LRP6: variants seen among roughly 807,000 people sequenced by gnomAD.
The protein encoded by LRP6 is low-density lipoprotein receptor-related protein 6.
Under a neutral mutation model 184.1 loss-of-function variants are expected in LRP6, and 43 were observed. The ratio of observed to expected loss-of-function variants is 0.23; its 90% confidence interval spans 0.18 to 0.30. LRP6 has a LOEUF of 0.30. Ranked by LOEUF, LRP6 falls within the 10% of genes least tolerant of loss-of-function variation. The pLI is 1.00. For synonymous variants in LRP6, 719 were observed against 684.9 expected (o/e 1.05, Z -0.78); for missense variants, 1,571 against 2,005.3 (o/e 0.78, Z 4.14).
intron 2 of LRP6, among the ~76,000 whole-genome samples, chr12:12,229,973 T>C (rs1296912079): frequency 6.6e-6 from 1 of 152,218 alleles, no homozygotes; most frequent in African/African-American, 2.4e-5. Flanking sequence ...ACATCTGCTA[T>C]TCATCCAAAA....
At chr12:12,216,526 G>A (rs1460021434) in intron 2 of LRP6, among the ~76,000 whole-genome samples, 3 of 152,044 alleles carry the variant, frequency 2.0e-5, no homozygotes, top group Non-Finnish European at 4.4e-5. Flanking sequence ...GGAGTGAGGA[G>A]GTGGGGGCCT....
chr12:12,240,977 C>A (rs1468878), intron 2 of LRP6, among the ~76,000 whole-genome samples: 4 of 152,042 alleles, frequency 2.6e-5, no homozygotes, highest in Non-Finnish European at 5.9e-5. Flanking sequence ...TAGTCATTAT[C>A]ATAAGGAAAA....
In LRP6 at chr12:12,133,850, G is replaced by C. The variant is rs1297323624; in HGVS notation, c.3733+1325C>G. 2.0e-5 allele frequency among the ~76,000 whole-genome samples: 2 copies of C among 99,952 alleles called. 1 individual carries two copies. The highest frequency in any genetic ancestry group is 6.9e-5 in the African/African-American group (2 of 28,852). 65.6% of individuals were successfully genotyped at this position (99,952 alleles called of 152,430 possible). ...GGGAAACACATGCTATTTTTTGGGG[G>C]GGGGGGGGGGGGAGGGTAAAGTAAC... On this transcript the variant is annotated intron_variant, in intron 17 of 22. Transcript: ENST00000261349.
At position 12,171,338 on chromosome 12, in the gene LRP6, A is replaced by T. The variant is rs1232011885; in HGVS notation, c.1546-6043T>A. On this transcript the variant is annotated intron_variant, in intron 7 of 22. Coordinates refer to ENST00000261349, the MANE Select transcript of LRP6 (RefSeq NM_002336.3). The stretch of plus-strand genomic sequence containing the variant: ...AAGACCATCCTGGCTAACATGGTGA[A>T]ACTCCATCTCTACTAAAAACACACA... Among the ~76,000 whole-genome samples the T allele has an allele frequency of 3.3e-5, 5 of 152,158 alleles. No individual in the cohort carries two copies. The East Asian group carries it at 9.6e-4, about 29-fold the overall frequency.
chr12:12,239,257 T>A (rs73057413), intron 2 of LRP6, among the ~76,000 whole-genome samples: 4,469 of 152,296 alleles, frequency 0.029, 92 homozygotes, highest in Non-Finnish European at 0.041. Flanking sequence ...TCTAAAGCTT[T>A]AGATTTTAAA....
chr12:12,179,756 CG>C, intron 7 of LRP6, 53 bp downstream of exon 7: 1 of 1,567,842 alleles, frequency 6.4e-7, no homozygotes, highest in Non-Finnish European at 8.8e-7. Context: ...ATTATACTGT[CG>C]ACTCAAAACC....
intron 2 of LRP6, among the ~76,000 whole-genome samples, chr12:12,212,331 T>C (rs1864232346): frequency 6.6e-6 from 1 of 152,232 alleles, no homozygotes; most frequent in Admixed American, 6.5e-5. Context: ...TAAAATTTTA[T>C]TTTAATGATT....
rs374527710 is a variant in LRP6 at position 12,172,595 on chromosome 12, C to T, written c.1545+7215G>A. ...AAACTCAAATTATGCCCAAAATGAACCACTCCTCTTCTAATGTTCCAGACA... is the reference window on the plus strand; with the variant it reads ...AAACTCAAATTATGCCCAAAATGAATCACTCCTCTTCTAATGTTCCAGACA... On this transcript the variant is annotated intron_variant, in intron 7 of 22. Transcript: ENST00000261349. Among the ~76,000 whole-genome samples, 241 of 152,270 alleles carry T rather than the reference C, an allele frequency of 1.6e-3. 1 individual carries two copies. The highest frequency in any genetic ancestry group is 3.0e-3 in the Non-Finnish European group (207 of 68,028).
At chr12:12,229,205 T>C (rs1864710280) in intron 2 of LRP6, among the ~76,000 whole-genome samples, 1 of 151,992 alleles carries the variant, frequency 6.6e-6, no homozygotes, top group Non-Finnish European at 1.5e-5. Context: ...TCCCCATCTC[T>C]ACTAAAAACA....
Position 12,138,353 on chromosome 12 carries a change from T to A in LRP6, c.3579A>T (p.Ala1193=), listed in dbSNP as rs774348156. The A allele has an allele frequency of 6.2e-7, 1 of 1,614,192 alleles. No individual in the cohort carries two copies. Among genetic ancestry groups the A allele is most frequent in the Non-Finnish European group, 8.5e-7 (1 of 1,180,012 alleles). ...ATTCTTGAAGGTTCAGCTCCTTTAC[T>A]GCATGAATGTCACTAAGCTGGGCAA... ...ARIAQLSDIH[A]VKELNLQEYR... Residue 1193 remains alanine (A), a synonymous_variant, in exon 16 of 23, where the codon GCA becomes GCT. Transcript: ENST00000261349.
chr12:12,147,466 A>T lies in LRP6; in HGVS notation c.3297T>A (p.Ser1099Arg). The change falls in exon 15 of 23, where the codon AGT (serine) becomes AGA (arginine). Residue 1099 changes from serine to arginine, a missense_variant. Ser to Arg is a moderately radical substitution (Grantham distance 110). This residue lies in a region of LRP6 where 763 missense variants were observed against 859.5 expected (regional missense o/e 0.89). Coordinates refer to ENST00000261349, the MANE Select transcript of LRP6 (RefSeq NM_002336.3). ...CTAAAGCAATTGGTTTACTTAAGCC[A>T]CTGAAAAAGAGGACCTCCCGTTCTG... ...DGTEREVLFF[S>R]GLSKPIALAL... 1 of 1,614,110 alleles carries T rather than the reference A, an allele frequency of 6.2e-7. No homozygotes were observed. The highest frequency in any genetic ancestry group is 1.1e-5 in the South Asian group (1 of 91,076).
At chr12:12,215,749 T>C (rs1019007041) in intron 2 of LRP6, among the ~76,000 whole-genome samples, 2 of 150,330 alleles carry the variant, frequency 1.3e-5, no homozygotes, top group East Asian at 4.1e-4. Flanking sequence ...TGGTGGCTCA[T>C]GCCTGTAATC....
At chr12:12,153,459 T>A (rs753978099) in intron 12 of LRP6, among the ~76,000 whole-genome samples, 1 of 152,210 alleles carries the variant, frequency 6.6e-6, no homozygotes, top group Non-Finnish European at 1.5e-5. Flanking sequence ...ATTTTAACCT[T>A]CAATAAGATT....
intron 3 of LRP6, among the ~76,000 whole-genome samples, chr12:12,195,245 T>C (rs775448519): frequency 6.6e-6 from 1 of 152,112 alleles, no homozygotes; most frequent in Non-Finnish European, 1.5e-5. Context: ...CATATGGTAG[T>C]TCTATTTGTA....
At chr12:12,232,831 A>G (rs1001492148) in intron 2 of LRP6, among the ~76,000 whole-genome samples, 1 of 152,232 alleles carries the variant, frequency 6.6e-6, no homozygotes, top group Non-Finnish European at 1.5e-5. Flanking sequence ...GCAAAATACA[A>G]AAGGATCATC....
At chr12:12,123,285 T>C (rs988330589) in intron 22 of LRP6, among the ~76,000 whole-genome samples, 2 of 152,238 alleles carry the variant, frequency 1.3e-5, no homozygotes, top group African/African-American at 4.8e-5. Context: ...TTTCTCAATT[T>C]TCAGGCTTCT....
At chr12:12,249,645 T>C (rs902361018) in intron 1 of LRP6, among the ~76,000 whole-genome samples, 4 of 150,742 alleles carry the variant, frequency 2.7e-5, no homozygotes, top group African/African-American at 7.4e-5. Context: ...TTTTGTCCAT[T>C]TGAAATATAT....
intron 6 of LRP6, 63 bp from the exon 7 acceptor site, chr12:12,180,044 A>T: frequency 7.2e-7 from 1 of 1,381,364 alleles, no homozygotes; most frequent in East Asian, 2.3e-5. Context: ...CAGATATTCT[A>T]AAGGTGAGAT....
At position 12,124,648 on chromosome 12, in the gene LRP6, T is replaced by C. The variant is rs746043744; in HGVS notation, c.4464A>G (p.Pro1488=). 1 of 1,610,596 alleles carries C rather than the reference T, an allele frequency of 6.2e-7. No homozygotes were observed. Among genetic ancestry groups the C allele is most frequent in the African/African-American group, 1.3e-5 (1 of 74,856 alleles). ...GTGATCGCTCTGTGGCTGGGGATGG[T>C]GGAGGGTTCAAAATCTAAAAGAAAA... is the stretch of plus-strand genomic sequence containing the variant. The part of the protein sequence containing the change: ...GTYFPAILNP[P]PSPATERSHY... The change falls in exon 22 of 23, where the codon CCA becomes CCG. Residue 1488 remains proline, a synonymous_variant. Coordinates refer to ENST00000261349, the MANE Select transcript of LRP6 (RefSeq NM_002336.3).
Sources: allele counts gnomAD v4.1 joint callset (sites outside exome capture counted in the v4.1 genomes callset), GRCh38; gene constraint gnomAD v4.1.1; regional missense constraint gnomAD v4.1.1; transcripts MANE v1.5; gene names NCBI Gene and HGNC (gene_info 2026-07-23, HGNC 2026-07-21).